Variants in SKIL observed in about 807,000 individuals in gnomAD.
The protein encoded by SKIL is ski-like protein.
A neutral mutation model predicts 69.6 loss-of-function variants in SKIL; 20 were observed. That is an observed-to-expected ratio of 0.29 (90% CI 0.20 to 0.42). The LOEUF (loss-of-function observed/expected upper bound fraction) is 0.42, where lower values mean the gene tolerates loss of function less well. Among genes scored for constraint, SKIL ranks in the 10% least tolerant of loss-of-function variants. The pLI is 1.00. For synonymous variants in SKIL, 310 were observed against 279.9 expected (o/e 1.11, Z -1.08); for missense variants, 745 against 783.1 (o/e 0.95, Z 0.58).
rs1172097766 is a variant in SKIL, at chr3:170,360,489, A to G, written c.158A>G (p.His53Arg). The G allele has an allele frequency of 6.2e-7, 1 of 1,614,046 alleles. No individual in the cohort carries two copies. Among genetic ancestry groups the G allele is most frequent in the African/African-American group, 1.3e-5 (1 of 74,950 alleles). The change falls in exon 2 of 7, where the codon CAC (histidine) becomes CGC (arginine). Residue 53 changes from histidine to arginine, a missense_variant. Coordinates refer to ENST00000259119, the MANE Select transcript of SKIL (RefSeq NM_005414.5). ...INKVPTVKKE[H>R]LDDYGEAPVE... ...AAGGTGCCAACAGTTAAGAAGGAAC[A>G]CTTGGATGACTATGGAGAAGCACCA...
chr3:170,371,150 G>T (rs377530301), intron 2 of SKIL, among the ~76,000 whole-genome samples: 1 of 152,126 alleles, frequency 6.6e-6, no homozygotes, highest in Non-Finnish European at 1.5e-5. Flanking sequence ...ATTCATTTGC[G>T]TATGTAATTG....
Position 170,391,279 on chromosome 3 carries a change from A to G in SKIL, c.1896+19A>G, listed in dbSNP as rs1301537586. 7 of 1,338,858 alleles carry G rather than the reference A, an allele frequency of 5.2e-6. No homozygotes were observed. The highest frequency in any genetic ancestry group is 1.5e-5 in the African/African-American group (1 of 67,828). The allele number at this position is 1,338,858 out of a possible 1,614,324, so 82.9% of individuals were successfully genotyped here. ...AGGACAGGTAAGAATTACTGTTTGT[A>G]TAATGGTGCCCTTTCAGCATGGAAA... On this transcript the variant is annotated intron_variant, in intron 6 of 6. Transcript: ENST00000259119.
chr3:170,377,665 C>G (rs1347816163), intron 2 of SKIL, among the ~76,000 whole-genome samples: 1 of 148,970 alleles, frequency 6.7e-6, no homozygotes, highest in Non-Finnish European at 1.5e-5. Flanking sequence ...TCTCCTGCCT[C>G]AGCCTCCTGA....
In SKIL at chr3:170,379,484, C is replaced by G. The variant is rs199809314; in HGVS notation, c.1099-1760C>G. Among the ~76,000 whole-genome samples the G allele has an allele frequency of 3.0e-4, 46 of 151,808 alleles. 3 individuals are homozygous for G. The South Asian group carries it at 9.4e-3, about 31-fold the overall frequency. ...TCCCTTACCAGTGAGTCTTGCCCCC[C>G]CTTTTAAGTATCCTTTTCCCACAAA... On this transcript the variant is annotated intron_variant, in intron 2 of 6. Transcript: ENST00000259119.
Position 170,360,088 on chromosome 3 carries a change from C to T in SKIL, c.-244C>T, listed in dbSNP as rs1736146103. 1 of 396,702 alleles carries T rather than the reference C, an allele frequency of 2.5e-6. No individual in the cohort carries two copies. The highest frequency in any genetic ancestry group is 4.5e-6 in the Non-Finnish European group (1 of 223,554). The allele number at this position is 396,702 out of a possible 1,614,324, so 24.6% of individuals were successfully genotyped here. The stretch of plus-strand genomic sequence containing the variant: ...AACAAAGGCATCCTCAGAGGTGTGC[C>T]TCTTTTCTTTATTATTAGAGGCAAA... On this transcript the variant is annotated 5_prime_UTR_variant, in exon 2 of 7. Transcript: ENST00000259119.
In SKIL at chr3:170,396,510, C is replaced by T. The variant is rs931518964; in HGVS notation, c.*4093C>T. 2.0e-5 allele frequency: 3 copies of T among 152,194 alleles called. No homozygotes were observed. The highest frequency in any genetic ancestry group is 7.2e-5 in the African/African-American group (3 of 41,442). The allele number at this position is 152,194 out of a possible 1,614,324, so 9.4% of individuals were successfully genotyped here. A position where few individuals can be genotyped will look rare whatever the true frequency, so the allele number is the denominator to read the frequency against. On this transcript the variant is annotated 3_prime_UTR_variant, in exon 7 of 7. Transcript: ENST00000259119. ...AACTGTTGAAACAAATAATTGGCTA[C>T]ATTGACCATAATTAAAGTTAAAATT...
chr3:170,367,886 C>T (rs1736622230), intron 2 of SKIL, among the ~76,000 whole-genome samples: 1 of 152,040 alleles, frequency 6.6e-6, no homozygotes, highest in African/African-American at 2.4e-5. Context: ...AAACAGATGA[C>T]CTAAAGATAG....
chr3:170,381,493 C>T lies in SKIL; in HGVS notation c.1196+152C>T, dbSNP rs570602475. On this transcript the variant is annotated intron_variant, in intron 3 of 6. Transcript: ENST00000259119. ...TGTTACCCAGGCTGGAGTGCAGTGG[C>T]GCGATCTCGTCTCATTGCAACCTCC... 139 of 554,164 alleles carry T rather than the reference C, an allele frequency of 2.5e-4. 1 individual carries two copies. Among genetic ancestry groups the T allele is most frequent in the Middle Eastern group, 5.0e-4 (1 of 2,002 alleles). 34.3% of individuals were successfully genotyped at this position (554,164 alleles called of 1,614,324 possible).
chr3:170,391,047 GT>G lies in SKIL; in HGVS notation c.1685del (p.Leu562Ter). On this transcript the variant is annotated frameshift_variant, in exon 6 of 7. Coordinates refer to ENST00000259119, the MANE Select transcript of SKIL (RefSeq NM_005414.5). LOFTEE classifies it high-confidence loss of function. ...KQQLQMEVKM[L>X]SSSKSMKELT... ...TCTTTACATTACAGGAAGTAAAAATGTTGAGTAGTTCAAAATCTATGAAGGA... is the reference window on the plus strand; with the variant it reads ...TCTTTACATTACAGGAAGTAAAAATGTGAGTAGTTCAAAATCTATGAAGGA... 6.5e-7 allele frequency: 1 copy of G among 1,544,832 alleles called. No homozygotes were observed. Among genetic ancestry groups the G allele is most frequent in the East Asian group, 2.2e-5 (1 of 44,532 alleles).
chr3:170,381,205 T>G (rs770315142), intron 2 of SKIL, 39 bp from the exon 3 acceptor site: 2 of 1,111,928 alleles, frequency 1.8e-6, no homozygotes, highest in Non-Finnish European at 1.4e-6. Flanking sequence ...CTTCACAGTT[T>G]TACTTCAATA....
At position 170,360,229 on chromosome 3, in the gene SKIL, T is replaced by G; in HGVS notation, c.-103T>G. The G allele has an allele frequency of 8.6e-7, 1 of 1,162,900 alleles. No individual in the cohort carries two copies. The allele number at this position is 1,162,900 out of a possible 1,614,324, so 72.0% of individuals were successfully genotyped here. A position where few individuals can be genotyped will look rare whatever the true frequency, so the allele number is the denominator to read the frequency against. On this transcript the variant is annotated 5_prime_UTR_variant, in exon 2 of 7. Transcript: ENST00000259119. Reference sequence around the variant, plus strand: ...CTCGCTTTGAAAGTTTGAGAGTAAGTTACGATAGGCATTTGTATCCATTCA... The same window carrying G: ...CTCGCTTTGAAAGTTTGAGAGTAAGGTACGATAGGCATTTGTATCCATTCA...
rs533931490 is a variant in SKIL at position 170,381,897 on chromosome 3, C to A, written c.1196+556C>A. ...GAGATCGAGACCATCCTGGCTAACACAGTGAAACCCTGTCTCTACTAAAAA... is the reference window on the plus strand; with the variant it reads ...GAGATCGAGACCATCCTGGCTAACAAAGTGAAACCCTGTCTCTACTAAAAA... On this transcript the variant is annotated intron_variant, in intron 3 of 6. Coordinates refer to ENST00000259119, the MANE Select transcript of SKIL (RefSeq NM_005414.5). Among the ~76,000 whole-genome samples, 174 of 151,894 alleles carry A rather than the reference C, an allele frequency of 1.1e-3. 2 individuals carry two copies. Among genetic ancestry groups the A allele is most frequent in the Non-Finnish European group, 1.9e-3 (126 of 67,950 alleles).
chr3:170,389,940 A>G (rs952571797), intron 4 of SKIL, among the ~76,000 whole-genome samples: 7 of 152,178 alleles, frequency 4.6e-5, no homozygotes, highest in Admixed American at 1.3e-4. Context: ...GATTGCACTG[A>G]TAAGTAGATC....
chr3:170,382,138 A>G (rs921592888), intron 3 of SKIL, among the ~76,000 whole-genome samples: 2 of 152,176 alleles, frequency 1.3e-5, no homozygotes, highest in East Asian at 3.9e-4. Context: ...TTGGTATTTA[A>G]TGTATTTTTT....
intron 2 of SKIL, among the ~76,000 whole-genome samples, chr3:170,376,735 C>T (rs947751345): frequency 3.3e-5 from 5 of 152,118 alleles, no homozygotes; most frequent in African/African-American, 4.8e-5. Context: ...ATCACCTTGC[C>T]TGGCTAATTT....
chr3:170,360,512 C>G lies in SKIL; in HGVS notation c.181C>G (p.Pro61Ala). 1 of 1,614,072 alleles carries G rather than the reference C, an allele frequency of 6.2e-7. No homozygotes were observed. The highest frequency in any genetic ancestry group is 1.3e-5 in the African/African-American group (1 of 75,038). The change falls in exon 2 of 7, where the codon CCA becomes GCA. Residue 61 changes from proline (P) to alanine (A), a missense_variant. Transcript: ENST00000259119. The part of the protein sequence containing the change: ...KEHLDDYGEA[P>A]VETDGEHVKR... ...ACACTTGGATGACTATGGAGAAGCA[C>G]CAGTGGAAACTGATGGAGAGCATGT...
chr3:170,377,742 G>A (rs71306668), intron 2 of SKIL, among the ~76,000 whole-genome samples: 1 of 148,764 alleles, frequency 6.7e-6, no homozygotes, highest in African/African-American at 2.5e-5. Context: ...TTTTAGTAGA[G>A]ACGGGGTTTC....
chr3:170,364,028 GC>G (rs1324767078), intron 2 of SKIL, among the ~76,000 whole-genome samples: 3 of 152,050 alleles, frequency 2.0e-5, no homozygotes, highest in African/African-American at 7.2e-5. Flanking sequence ...TCGGCTCACT[GC>G]AACCTCTGCC....
chr3:170,378,881 A>ATTTT (rs529886666), intron 2 of SKIL, among the ~76,000 whole-genome samples: 8 of 65,050 alleles, frequency 1.2e-4, no homozygotes, highest in Admixed American at 5.5e-4. Flanking sequence ...TTATTTATTT[A>ATTTT]TTTTTTTTAT....
Sources: gnomAD v4.1 joint callset for allele counts (sites outside exome capture counted in the v4.1 genomes callset) on GRCh38, gnomAD v4.1.1 for gene constraint, MANE v1.5 for transcripts, NCBI Gene and HGNC (gene_info 2026-07-23, HGNC 2026-07-21) for gene names.